Variants in TRPC7 observed in about 807,000 individuals in gnomAD.
TRPC7 encodes the protein short transient receptor potential channel 7.
Under a neutral mutation model 90.1 loss-of-function variants are expected in TRPC7, and 42 were observed. The observed-to-expected ratio is 0.47, with a 90% CI of 0.36 to 0.60. TRPC7 has a LOEUF of 0.60. Among genes scored for constraint, TRPC7 ranks in the 20% least tolerant of loss-of-function variants. The probability of loss-of-function intolerance (pLI) is 0.00; values close to 1 mark genes in which losing one functional copy is unlikely to be tolerated. For missense variants in TRPC7, 955 were observed against 1,112.3 expected (o/e 0.86, Z 2.01); for synonymous variants, 451 against 436.3 (o/e 1.03, Z -0.42).
intron 5 of TRPC7, among the ~76,000 whole-genome samples, chr5:136,262,831 A>G (rs929915903): frequency 6.6e-6 from 1 of 152,202 alleles, no homozygotes; most frequent in South Asian, 2.1e-4. Flanking sequence ...CTGGAGGCAC[A>G]TTCCAGTCTG....
chr5:136,342,093 C>T (rs1278434849), intron 2 of TRPC7, among the ~76,000 whole-genome samples: 1 of 152,138 alleles, frequency 6.6e-6, no homozygotes, highest in Non-Finnish European at 1.5e-5. Context: ...GCTACTCTAC[C>T]ACTTCCTTTC....
chr5:136,274,446 T>A (rs1191509094), intron 4 of TRPC7, among the ~76,000 whole-genome samples: 1 of 152,158 alleles, frequency 6.6e-6, no homozygotes, highest in African/African-American at 2.4e-5. Context: ...CCTCTCGTGT[T>A]TAAAATTTTA....
intron 5 of TRPC7, among the ~76,000 whole-genome samples, chr5:136,264,332 A>G (rs144709841): frequency 1.2e-3 from 177 of 152,270 alleles, no homozygotes; most frequent in Non-Finnish European, 2.3e-3. Context: ...CAAGTGGGAA[A>G]ATGGGGTAGG....
chr5:136,269,853 T>C (rs1757152635), intron 4 of TRPC7, among the ~76,000 whole-genome samples: 1 of 152,196 alleles, frequency 6.6e-6, no homozygotes, highest in Non-Finnish European at 1.5e-5. Flanking sequence ...GTGGTGGTGT[T>C]ACTGGGTGCC....
At chr5:136,253,805 A>G (rs966808694) in intron 5 of TRPC7, among the ~76,000 whole-genome samples, 1 of 152,212 alleles carries the variant, frequency 6.6e-6, no homozygotes, top group African/African-American at 2.4e-5. Context: ...TGCATTTCTC[A>G]CTTTAAATCA....
chr5:136,317,091 A>G (rs142088338), intron 2 of TRPC7, among the ~76,000 whole-genome samples: 137 of 152,274 alleles, frequency 9.0e-4, no homozygotes, highest in African/African-American at 3.1e-3. Context: ...TCAAGAAAAT[A>G]TTTTCAGGTG....
Position 136,356,597 on chromosome 5 carries a change from G to A in TRPC7, c.780+11C>T, listed in dbSNP as rs1006473081. ...GCAACCTGCCTGCAGGGTGCTAAGT[G>A]GAAGAGTTACCTTAAATTCAGTCTC... On this transcript the variant is annotated intron_variant, in intron 2 of 11. Coordinates refer to ENST00000513104, the MANE Select transcript of TRPC7 (RefSeq NM_020389.3). 1 of 1,524,084 alleles carries A rather than the reference G, an allele frequency of 6.6e-7. No individual in the cohort carries two copies. The highest frequency in any genetic ancestry group is 1.4e-5 in the African/African-American group (1 of 71,938). The allele number at this position is 1,524,084 out of a possible 1,614,324, so 94.4% of individuals were successfully genotyped here.
chr5:136,226,659 A>G (rs1396226309), intron 8 of TRPC7, among the ~76,000 whole-genome samples: 1 of 152,226 alleles, frequency 6.6e-6, no homozygotes, highest in Non-Finnish European at 1.5e-5. Context: ...ATTAATCTCT[A>G]AAGAAGTGCT....
intron 2 of TRPC7, among the ~76,000 whole-genome samples, chr5:136,349,539 C>T (rs1760126167): frequency 6.6e-6 from 1 of 152,114 alleles, no homozygotes; most frequent in African/African-American, 2.4e-5. Context: ...TATTTTTTAT[C>T]TCATTTAATC....
At chr5:136,320,253 A>G (rs999159966) in intron 2 of TRPC7, among the ~76,000 whole-genome samples, 2 of 152,134 alleles carry the variant, frequency 1.3e-5, no homozygotes, top group Admixed American at 6.5e-5. Flanking sequence ...CTACTTGCCA[A>G]ATATATCCAT....
At chr5:136,327,882 A>C (rs551588982) in intron 2 of TRPC7, among the ~76,000 whole-genome samples, 13 of 152,338 alleles carry the variant, frequency 8.5e-5, no homozygotes, top group Admixed American at 2.0e-4. Context: ...TCTGGATGTT[A>C]AAATTTAACA....
At chr5:136,228,895 G>T (rs1393249168) in intron 8 of TRPC7, among the ~76,000 whole-genome samples, 2 of 152,190 alleles carry the variant, frequency 1.3e-5, no homozygotes, top group Non-Finnish European at 2.9e-5. Context: ...TCCGTGGTGG[G>T]ATAACTTGAC....
At chr5:136,304,235 GA>G (rs34941172) in intron 3 of TRPC7, among the ~76,000 whole-genome samples, 13,111 of 151,816 alleles carry the variant, frequency 0.086, 715 homozygotes, top group Non-Finnish European at 0.13. Context: ...CCTCCTTGGG[GA>G]CCGATCATGC....
At chr5:136,326,834 A>T (rs10067383) in intron 2 of TRPC7, among the ~76,000 whole-genome samples, 104,399 of 151,960 alleles carry the variant, frequency 0.69, 36,185 homozygotes, top group African/African-American at 0.77. Context: ...ACAGTGACAG[A>T]TCATGGAATT....
At chr5:136,309,063 C>T (rs1032737158) in intron 3 of TRPC7, among the ~76,000 whole-genome samples, 1 of 152,164 alleles carries the variant, frequency 6.6e-6, no homozygotes, top group Non-Finnish European at 1.5e-5. Flanking sequence ...GAGCTAGGGG[C>T]AATGTGGGTT....
At chr5:136,224,474 C>T (rs1373444265) in intron 10 of TRPC7, among the ~76,000 whole-genome samples, 1 of 152,146 alleles carries the variant, frequency 6.6e-6, no homozygotes, top group African/African-American at 2.4e-5. Flanking sequence ...AACCTGTGAG[C>T]CATGCTGGGT....
intron 3 of TRPC7, among the ~76,000 whole-genome samples, chr5:136,312,830 A>T (rs1447932065): frequency 2.0e-5 from 3 of 152,176 alleles, no homozygotes; most frequent in African/African-American, 7.2e-5. Flanking sequence ...ACCTTCATTC[A>T]AATCCTGGCA....
chr5:136,299,237 G>A (rs1486290942), intron 3 of TRPC7, among the ~76,000 whole-genome samples: 1 of 151,586 alleles, frequency 6.6e-6, no homozygotes, highest in East Asian at 1.9e-4. Context: ...GGAGGTGGAG[G>A]TTGCGGTGAG....
chr5:136,287,030 T>G (rs1385924333), intron 3 of TRPC7, among the ~76,000 whole-genome samples: 1 of 152,234 alleles, frequency 6.6e-6, no homozygotes, highest in Non-Finnish European at 1.5e-5. Context: ...ATCTGTTCTG[T>G]GTCTTCCTTC....
Sources: gnomAD v4.1 joint callset for allele counts (sites outside exome capture counted in the v4.1 genomes callset) on GRCh38, gnomAD v4.1.1 for gene constraint, MANE v1.5 for transcripts, NCBI Gene and HGNC (gene_info 2026-07-23, HGNC 2026-07-21) for gene names.